NRXN1: variants seen among roughly 807,000 people sequenced by gnomAD.
The protein encoded by NRXN1 is neurexin 1.
A neutral mutation model predicts 150.9 loss-of-function variants in NRXN1; 39 were observed. The ratio of observed to expected loss-of-function variants is 0.26; its 90% CI spans 0.20 to 0.34. The LOEUF is 0.34. NRXN1 is among the 10% of genes least tolerant of loss of function. The probability of loss-of-function intolerance (pLI) is 1.00; values close to 1 mark genes in which losing one functional copy is unlikely to be tolerated. For synonymous variants in NRXN1, 924 were observed against 757.0 expected, an observed-to-expected ratio of 1.22 and a Z score of -3.62; for missense variants, 1,815 against 1,949.9, an observed-to-expected ratio of 0.93 and a Z score of 1.30.
chr2:50,496,341 T>A (rs188853389), intron 14 of NRXN1, among the ~76,000 whole-genome samples: 8 of 152,316 alleles, frequency 5.3e-5, no homozygotes, highest in African/African-American at 1.9e-4. Flanking sequence ...ATGGTCTACA[T>A]TTAACTTTAT....
intron 17 of NRXN1, among the ~76,000 whole-genome samples, chr2:50,340,376 G>C (rs563752910): frequency 6.6e-5 from 10 of 152,204 alleles, no homozygotes; most frequent in South Asian, 2.1e-4. Context: ...GAAAGGGCTG[G>C]GCAAAAAGAC....
At chr2:50,647,600 A>G (rs970827874) in intron 5 of NRXN1, among the ~76,000 whole-genome samples, 4 of 151,960 alleles carry the variant, frequency 2.6e-5, no homozygotes, top group Non-Finnish European at 4.4e-5. Context: ...CAACTCATAT[A>G]AAGACCCAAA....
intron 18 of NRXN1, among the ~76,000 whole-genome samples, chr2:50,226,507 G>A (rs1165887651): frequency 6.6e-6 from 1 of 151,928 alleles, no homozygotes; most frequent in East Asian, 2.0e-4. Flanking sequence ...GAAGAAGGAG[G>A]AGAGGAGAAG....
intron 8 of NRXN1, among the ~76,000 whole-genome samples, chr2:50,596,507 C>G (rs1294386635): frequency 6.6e-6 from 1 of 152,196 alleles, no homozygotes; most frequent in African/African-American, 2.4e-5. Context: ...TTTGCCAAAA[C>G]TGCTGGACTT....
intron 17 of NRXN1, among the ~76,000 whole-genome samples, chr2:50,403,942 G>A (rs1190451935): frequency 1.3e-5 from 2 of 152,080 alleles, no homozygotes; most frequent in Non-Finnish European, 2.9e-5. Context: ...AATGTTCTGA[G>A]TTGTTGGAAG....
chr2:50,847,877 G>T (rs1425459457), intron 5 of NRXN1, among the ~76,000 whole-genome samples: 2 of 152,104 alleles, frequency 1.3e-5, no homozygotes, highest in Admixed American at 1.3e-4. Flanking sequence ...CCTGACTCCA[G>T]GGGAAAACCA....
At chr2:50,994,904 T>C (rs1234440209) in intron 2 of NRXN1, among the ~76,000 whole-genome samples, 1 of 151,840 alleles carries the variant, frequency 6.6e-6, no homozygotes, top group Non-Finnish European at 1.5e-5. Flanking sequence ...ACTGTTTTTT[T>C]AAAAAAAACT....
chr2:50,302,790 C>A (rs2074278351), intron 17 of NRXN1, among the ~76,000 whole-genome samples: 1 of 151,952 alleles, frequency 6.6e-6, no homozygotes, highest in Non-Finnish European at 1.5e-5. Context: ...TTAGGGTATC[C>A]CTACACTATA....
At chr2:50,033,926 G>A (rs1189342196) in intron 21 of NRXN1, among the ~76,000 whole-genome samples, 4 of 147,348 alleles carry the variant, frequency 2.7e-5, no homozygotes, top group African/African-American at 1.0e-4. Context: ...ACCACAATGA[G>A]ATACCATCTC....
intron 5 of NRXN1, among the ~76,000 whole-genome samples, chr2:50,772,922 C>G (rs1456138178): frequency 6.6e-6 from 1 of 151,982 alleles, no homozygotes; most frequent in Non-Finnish European, 1.5e-5. Context: ...CAAAGAGAAA[C>G]AAAAGGAGGA....
At chr2:50,040,127 T>C (rs894540740) in intron 21 of NRXN1, among the ~76,000 whole-genome samples, 10 of 152,054 alleles carry the variant, frequency 6.6e-5, no homozygotes, top group Non-Finnish European at 1.5e-4. Flanking sequence ...TCAGACAGAA[T>C]GTTAAAGTTA....
At chr2:50,779,179 C>T (rs1307767235) in intron 5 of NRXN1, among the ~76,000 whole-genome samples, 1 of 152,074 alleles carries the variant, frequency 6.6e-6, no homozygotes, top group African/African-American at 2.4e-5. Context: ...CCCCTAGCAC[C>T]CCTCACCCTG....
At chr2:50,894,395 G>A (rs1009409113) in intron 5 of NRXN1, among the ~76,000 whole-genome samples, 1 of 149,478 alleles carries the variant, frequency 6.7e-6, no homozygotes, top group African/African-American at 2.4e-5. Context: ...TCAATTAATT[G>A]TTCTTCACTT....
chr2:50,480,483 T>C (rs1362299658), intron 15 of NRXN1, among the ~76,000 whole-genome samples: 1 of 152,184 alleles, frequency 6.6e-6, no homozygotes, highest in Non-Finnish European at 1.5e-5. Flanking sequence ...TCCAGACTCA[T>C]CTGCTCTGTT....
intron 8 of NRXN1, among the ~76,000 whole-genome samples, chr2:50,557,852 T>A (rs1041625209): frequency 5.9e-5 from 9 of 152,248 alleles, no homozygotes; most frequent in Non-Finnish European, 1.2e-4. Context: ...AATTAAATAG[T>A]GCTGAGACCA....
chr2:50,334,053 G>A (rs1238102692), intron 17 of NRXN1, among the ~76,000 whole-genome samples: 1 of 151,774 alleles, frequency 6.6e-6, no homozygotes, highest in South Asian at 2.1e-4. Flanking sequence ...TTGCCTGTGT[G>A]TGTGTGTCTG....
intron 21 of NRXN1, among the ~76,000 whole-genome samples, chr2:50,052,642 C>T (rs1053836560): frequency 4.6e-5 from 7 of 151,998 alleles, no homozygotes; most frequent in African/African-American, 1.7e-4. Context: ...TTGAAATAAG[C>T]TAATTAGAGT....
chr2:50,483,337 A>G (rs2104803051), intron 15 of NRXN1, among the ~76,000 whole-genome samples: 1 of 152,272 alleles, frequency 6.6e-6, no homozygotes, highest in African/African-American at 2.4e-5. Context: ...CATATAATAA[A>G]GAAAAAACTA....
At chr2:50,039,380 C>T (rs1690573192) in intron 21 of NRXN1, among the ~76,000 whole-genome samples, 1 of 152,032 alleles carries the variant, frequency 6.6e-6, no homozygotes, top group Non-Finnish European at 1.5e-5. Flanking sequence ...GCAGGATAAT[C>T]GCTTGAACCT....
Sources: gnomAD v4.1 joint callset for allele counts (sites outside exome capture counted in the v4.1 genomes callset) on GRCh38, gnomAD v4.1.1 for gene constraint, MANE v1.5 for transcripts, NCBI Gene and HGNC (gene_info 2026-07-23, HGNC 2026-07-21) for gene names.